HIVEP3: variants seen among roughly 807,000 people sequenced by gnomAD.
HIVEP3 encodes the protein HIVEP zinc finger 3, also known as transcription factor HIVEP3.
In HIVEP3, 49 loss-of-function variants were observed where a neutral mutation model predicts 152.8. The ratio of observed to expected loss-of-function variants is 0.32; its 90% CI spans 0.26 to 0.41. The LOEUF is 0.41. Ranked by LOEUF, HIVEP3 falls within the 10% of genes least tolerant of loss-of-function variation. The pLI is 1.00. For synonymous variants in HIVEP3, 1,269 were observed against 1,289.0 expected, an observed-to-expected ratio of 0.98 and a Z score of 0.33; for missense variants, 2,790 against 3,103.3, an observed-to-expected ratio of 0.90 and a Z score of 2.40.
At chr1:41,973,575 A>G (rs972596949) in intron 1 of HIVEP3, among the ~76,000 whole-genome samples, 1 of 152,252 alleles carries the variant, frequency 6.6e-6, no homozygotes, top group African/African-American at 2.4e-5. Context: ...AGAGACAGAG[A>G]GGCTGCTGGC....
chr1:41,568,536 G>A (rs1336226740), intron 5 of HIVEP3, among the ~76,000 whole-genome samples: 1 of 152,226 alleles, frequency 6.6e-6, no homozygotes, highest in Non-Finnish European at 1.5e-5. Context: ...GATCACTCTT[G>A]TTGGGCTGAG....
At chr1:41,612,540 G>A (rs1429574690) in intron 3 of HIVEP3, among the ~76,000 whole-genome samples, 5 of 152,168 alleles carry the variant, frequency 3.3e-5, no homozygotes, top group African/African-American at 9.7e-5. Flanking sequence ...TTGCAGATGA[G>A]GAAACAGAGG....
chr1:41,918,524 C>T lies in HIVEP3; in HGVS notation c.-912G>A, dbSNP rs1644909681. On this transcript the variant is annotated 5_prime_UTR_variant, in exon 1 of 9. It adds an upstream start codon to the 5' untranslated region. Transcript: ENST00000372583. The surrounding 1 kb of genome is among the most constrained non-coding windows in gnomAD (Gnocchi z 4.3). ...ATTTTGTGCATTTTTTTCATGAACA[C>T]CTGTTTCAAGTAAGGGGTAAAGACC... 6.6e-6 allele frequency: 1 copy of T among 152,054 alleles called. No individual in the cohort carries two copies. The highest frequency in any genetic ancestry group is 2.4e-5 in the African/African-American group (1 of 41,380). 9.4% of individuals were successfully genotyped at this position (152,054 alleles called of 1,614,324 possible).
At chr1:41,698,189 C>T (rs1302275041) in intron 2 of HIVEP3, among the ~76,000 whole-genome samples, 1 of 152,066 alleles carries the variant, frequency 6.6e-6, no homozygotes, top group Non-Finnish European at 1.5e-5. Context: ...CTTATGATGC[C>T]CACCCTACTT....
rs1295816289 is a variant in HIVEP3, at chr1:41,582,321, G to A, written c.2477C>T (p.Ala826Val). ...SGLEGEDKPL[A>V]QFPSPPPAPH... ...GGCAGGTGGGGGTGATGGGAACTGG[G>A]CCAGAGGTTTGTCTTCCCCTTCCAA... The change falls in exon 4 of 9, where the codon GCC (alanine) becomes GTC (valine). Residue 826 changes from alanine (A) to valine (V), a missense_variant. Ala to Val is a moderately conservative substitution (Grantham distance 64). Transcript: ENST00000372583. This position sits in a 1 kb window ranked among gnomAD's most constrained non-coding sequence, Gnocchi z 4.7. The A allele has an allele frequency of 1.9e-6, 3 of 1,614,018 alleles. No individual in the cohort carries two copies. Among genetic ancestry groups the A allele is most frequent in the Non-Finnish European group, 8.5e-7 (1 of 1,180,016 alleles).
intron 1 of HIVEP3, among the ~76,000 whole-genome samples, chr1:41,782,731 C>CA (rs10714772): frequency 0.22 from 24,962 of 113,310 alleles, 3,907 homozygotes; most frequent in African/African-American, 0.48. Flanking sequence ...GACTCCATCT[C>CA]AAAAAAAAAA....
In HIVEP3 at chr1:41,582,248, C is replaced by T. The variant is rs748492311; in HGVS notation, c.2550G>A (p.Gln850=). Residue 850 remains glutamine, a synonymous_variant, in exon 4 of 9, where the codon CAG becomes CAA. Coordinates refer to ENST00000372583, the MANE Select transcript of HIVEP3 (RefSeq NM_024503.5). The surrounding 1 kb of genome is among the most constrained non-coding windows in gnomAD (Gnocchi z 4.7). ...AHSLQPKLVR[Q]PNIQVPEILV... Reference sequence around the variant, plus strand: ...GGATCTCAGGAACCTGAATGTTGGGCTGGCGGACCAACTTAGGCTGCAGGG... The same window carrying T: ...GGATCTCAGGAACCTGAATGTTGGGTTGGCGGACCAACTTAGGCTGCAGGG... The T allele has an allele frequency of 1.2e-6, 2 of 1,613,842 alleles. No individual in the cohort carries two copies. The highest frequency in any genetic ancestry group is 2.2e-5 in the East Asian group (1 of 44,866).
rs58470482 is a variant in HIVEP3, at chr1:41,966,475, C to CTTTTTTTTTTTTTTTTTT, written n.120-47952_120-47951insAAAAAAAAAAAAAAAAAA. On this transcript the variant is annotated intron_variant and non_coding_transcript_variant, in intron 1 of 3. Transcript: ENST00000489103. Reference sequence around the variant, plus strand: ...TCAAGACCCATCAGTGTGCTGTATTCTTTTTTTTTTTTTTTTGAGATGGAG... The same window carrying CTTTTTTTTTTTTTTTTTT: ...TCAAGACCCATCAGTGTGCTGTATTCTTTTTTTTTTTTTTTTTTTTTTTTTTTTTTTTTTGAGATGGAG... Among the ~76,000 whole-genome samples the CTTTTTTTTTTTTTTTTTT allele has an allele frequency of 1.0e-3, 100 of 95,782 alleles. 7 individuals carry two copies. The highest frequency in any genetic ancestry group is 1.7e-3 in the East Asian group (4 of 2,366). The allele number at this position is 95,782 out of a possible 152,430, so 62.8% of individuals were successfully genotyped here. A position where few individuals can be genotyped will look rare whatever the true frequency, so the allele number is the denominator to read the frequency against.
chr1:42,002,827 C>G (rs1192705542), intron 1 of HIVEP3, among the ~76,000 whole-genome samples: 1 of 147,988 alleles, frequency 6.8e-6, no homozygotes, highest in African/African-American at 2.5e-5. Flanking sequence ...GCAGATGGAG[C>G]TTTGAGAGGT....
chr1:42,014,731 A>C (rs1645512266), intron 1 of HIVEP3, among the ~76,000 whole-genome samples: 1 of 152,236 alleles, frequency 6.6e-6, no homozygotes. Context: ...ATCAATAACA[A>C]ATTTAGGTCT....
At chr1:41,953,210 C>G (rs565253219) in intron 1 of HIVEP3, among the ~76,000 whole-genome samples, 7 of 152,270 alleles carry the variant, frequency 4.6e-5, no homozygotes, top group Admixed American at 4.6e-4. Flanking sequence ...TCTGCTGGAT[C>G]CCACTTGTGT....
In HIVEP3 at chr1:41,881,781, A is replaced by G. The variant is rs546355706; in HGVS notation, c.-801+36632T>C. ...CGGTATTAAACATTAAAATCTTTTT[A>G]AAAATGTGTTTTATTATTTGCCTTT... On this transcript the variant is annotated intron_variant, in intron 1 of 8. Transcript: ENST00000372583. Among the ~76,000 whole-genome samples, 4 of 152,346 alleles carry G rather than the reference A, an allele frequency of 2.6e-5. No homozygotes were observed. The South Asian group carries it at 6.2e-4, about 24-fold the overall frequency.
At chr1:41,888,202 A>ATTTTTTTTTTTTT (rs61561436) in intron 1 of HIVEP3, among the ~76,000 whole-genome samples, 1 of 99,202 alleles carries the variant, frequency 1.0e-5, no homozygotes, top group African/African-American at 4.2e-5. Context: ...CGCCCGGCTA[A>ATTTTTTTTTTTTT]TTTTTTTTTT....
At chr1:41,552,122 C>T (rs1643900053) in intron 5 of HIVEP3, among the ~76,000 whole-genome samples, 1 of 152,146 alleles carries the variant, frequency 6.6e-6, no homozygotes, top group African/African-American at 2.4e-5. Context: ...TTTATTTCTG[C>T]CTTCATTTCG....
At chr1:41,722,403 G>GCCTT (rs374319014) in intron 1 of HIVEP3, among the ~76,000 whole-genome samples, 21,162 of 112,718 alleles carry the variant, frequency 0.19, 2,057 homozygotes, top group East Asian at 0.25. Flanking sequence ...AATTTGGCTG[G>GCCTT]CCTTCCTTCC....
chr1:41,884,478 A>C (rs981270370), intron 1 of HIVEP3, among the ~76,000 whole-genome samples: 1 of 152,196 alleles, frequency 6.6e-6, no homozygotes. Context: ...AGTGCGGCTG[A>C]TGCAGAAGGA....
intron 1 of HIVEP3, among the ~76,000 whole-genome samples, chr1:41,711,370 G>C (rs1450156724): frequency 1.3e-5 from 2 of 152,232 alleles, no homozygotes; most frequent in Non-Finnish European, 2.9e-5. Context: ...ACTGGCAGTT[G>C]CTGGGCTATA....
chr1:41,908,451 G>T (rs1644748018), intron 1 of HIVEP3, among the ~76,000 whole-genome samples: 1 of 152,142 alleles, frequency 6.6e-6, no homozygotes, highest in Non-Finnish European at 1.5e-5. Flanking sequence ...AGCCTGGAAA[G>T]AACATGTATG....
intron 1 of HIVEP3, among the ~76,000 whole-genome samples, chr1:41,952,171 G>C (rs549167218): frequency 6.6e-6 from 1 of 152,148 alleles, no homozygotes; most frequent in African/African-American, 2.4e-5. Context: ...TTGCAACAGA[G>C]AGTTAAATTT....
Sources: allele counts gnomAD v4.1 joint callset (sites outside exome capture counted in the v4.1 genomes callset), GRCh38; gene constraint gnomAD v4.1.1; non-coding constraint Gnocchi (gnomAD v3.1); transcripts MANE v1.5; gene names NCBI Gene and HGNC (gene_info 2026-07-23, HGNC 2026-07-21).